Variants in COG4 observed in about 807,000 individuals in gnomAD.
COG4 encodes component of oligomeric golgi complex 4.
In COG4, 65 loss-of-function variants were observed where a neutral mutation model predicts 95.1. That is an observed-to-expected ratio of 0.68 (90% CI 0.56 to 0.84). The LOEUF is 0.84. Among genes scored for constraint, COG4 ranks in the 40% least tolerant of loss-of-function variants. The pLI, the probability that COG4 is intolerant of heterozygous loss-of-function variation, is 0.00. For synonymous variants in COG4, 421 were observed against 374.8 expected (o/e 1.12, Z -1.42); for missense variants, 1,045 against 989.1 (o/e 1.06, Z -0.76).
Position 70,482,185 on chromosome 16 carries a change from G to A in COG4, c.1921-10C>T. 6.3e-7 allele frequency: 1 copy of A among 1,594,352 alleles called. No individual in the cohort carries two copies. The highest frequency in any genetic ancestry group is 8.6e-7 in the Non-Finnish European group (1 of 1,162,028). Reference sequence around the variant, plus strand: ...AGTCATTGAATTCTTCCTGTTGTCAGGAAGCAGGGCTGGTCACCATGGGCC... The same window carrying A: ...AGTCATTGAATTCTTCCTGTTGTCAAGAAGCAGGGCTGGTCACCATGGGCC... On this transcript the variant is annotated splice_polypyrimidine_tract_variant and intron_variant, in intron 15 of 18. Coordinates refer to ENST00000323786, the MANE Select transcript of COG4 (RefSeq NM_015386.3).
At chr16:70,510,072 C>G (rs1183854788) in intron 5 of COG4, 51 bp from the exon 6 acceptor site, 1 of 1,453,920 alleles carries the variant, frequency 6.9e-7, no homozygotes, top group South Asian at 1.1e-5. Context: ...CACCCTCATA[C>G]CAGGTATATC....
chr16:70,489,570 T>C (rs1457852673), intron 13 of COG4, among the ~76,000 whole-genome samples: 1 of 148,168 alleles, frequency 6.7e-6, no homozygotes, highest in African/African-American at 2.5e-5. Flanking sequence ...AGAGATGAGG[T>C]CTCACCACAT....
At chr16:70,511,766 C>G (rs948255461) in intron 5 of COG4, among the ~76,000 whole-genome samples, 2 of 151,876 alleles carry the variant, frequency 1.3e-5, no homozygotes, top group African/African-American at 4.8e-5. Context: ...AACCCAGTCT[C>G]TACTAAAAAT....
chr16:70,497,183 C>A (rs192459602), intron 11 of COG4, 38 bp downstream of exon 11: 10 of 1,603,154 alleles, frequency 6.2e-6, no homozygotes, highest in Admixed American at 1.7e-5. Flanking sequence ...ACAGGAAGGG[C>A]CTTTCTGCCT....
At chr16:70,504,526 G>A (rs2049519005) in intron 8 of COG4, among the ~76,000 whole-genome samples, 1 of 151,502 alleles carries the variant, frequency 6.6e-6, no homozygotes, top group African/African-American at 2.4e-5. Context: ...AGAACTGCTT[G>A]ATCCTGGGAG....
At chr16:70,512,930 A>T (rs1050695578) in intron 4 of COG4, among the ~76,000 whole-genome samples, 2 of 152,196 alleles carry the variant, frequency 1.3e-5, no homozygotes, top group African/African-American at 4.8e-5. Context: ...GTGAGCCAAG[A>T]TCATGCCACT....
chr16:70,509,740 C>T (rs1284733141), intron 6 of COG4, 176 bp downstream of exon 6: 2 of 654,184 alleles, frequency 3.1e-6, no homozygotes, highest in East Asian at 5.5e-5. Flanking sequence ...TGGAGAGACT[C>T]TAATCTTTGC....
chr16:70,500,924 C>A (rs752030815), intron 9 of COG4, 34 bp downstream of exon 9: 1 of 1,613,608 alleles, frequency 6.2e-7, no homozygotes, highest in South Asian at 1.1e-5. Context: ...AATTATACCT[C>A]AACCCTCCCC....
chr16:70,504,634 C>T (rs532851693), intron 8 of COG4, among the ~76,000 whole-genome samples: 1 of 127,796 alleles, frequency 7.8e-6, no homozygotes, highest in South Asian at 2.3e-4. Context: ...AAAAAGAGGC[C>T]GGGCATGGTG....
chr16:70,496,348 T>A lies in COG4; in HGVS notation c.1565A>T (p.Asn522Ile). Residue 522 changes from asparagine (N) to isoleucine (I), a missense_variant, in exon 12 of 19, where the codon AAC becomes ATC. Physicochemically the swap from Asn to Ile is moderately radical, Grantham distance 149. Transcript: ENST00000323786. Reference sequence around the variant, plus strand: ...TTGCTGGAGGCTGCTGTGCATGATGTTCACGGCACTTGTCACCCCGCGCTG... The same window carrying A: ...TTGCTGGAGGCTGCTGTGCATGATGATCACGGCACTTGTCACCCCGCGCTG... ...DIQRGVTSAV[N>I]IMHSSLQQGK... The A allele has an allele frequency of 1.2e-6, 2 of 1,614,166 alleles. No individual in the cohort carries two copies. Among genetic ancestry groups the A allele is most frequent in the Non-Finnish European group, 1.7e-6 (2 of 1,180,032 alleles).
Position 70,517,646 on chromosome 16 carries a change from G to A in COG4, c.349C>T (p.Arg117Cys), listed in dbSNP as rs149620212. The change falls in exon 3 of 19, where the codon CGT becomes TGT. Residue 117 changes from arginine to cysteine, a missense_variant. Transcript: ENST00000323786. Reference protein sequence around the residue: ...NLAENVSSKVRQLDLAKNRLY... With the variant: ...NLAENVSSKVCQLDLAKNRLY... ...ATTACCTTGGCCAGGTCAAGCTGAC[G>A]AACTTTGCTGGACACATTCTCAGCC... 7.2e-5 allele frequency: 111 copies of A among 1,548,666 alleles called. No individual in the cohort carries two copies. Among genetic ancestry groups the A allele is most frequent in the East Asian group, 1.9e-4 (8 of 43,042 alleles).
intron 13 of COG4, among the ~76,000 whole-genome samples, chr16:70,484,391 G>A (rs1194038802): frequency 6.6e-6 from 1 of 152,182 alleles, no homozygotes; most frequent in African/African-American, 2.4e-5. Flanking sequence ...GCCTGGCACA[G>A]GAGACACTAG....
At chr16:70,484,897 C>G (rs139348412) in intron 13 of COG4, among the ~76,000 whole-genome samples, 7 of 152,120 alleles carry the variant, frequency 4.6e-5, no homozygotes, top group Admixed American at 1.3e-4. Flanking sequence ...AACAAAGTAC[C>G]TATTCTACTT....
chr16:70,505,349 C>G (rs905052214), intron 8 of COG4, among the ~76,000 whole-genome samples: 2 of 150,794 alleles, frequency 1.3e-5, no homozygotes, highest in Non-Finnish European at 3.0e-5. Context: ...AGGCACCCGC[C>G]AACACACCCA....
At position 70,480,849 on chromosome 16, in the gene COG4, G is replaced by T; in HGVS notation, c.*161C>A. On this transcript the variant is annotated 3_prime_UTR_variant, in exon 19 of 19. Transcript: ENST00000323786. ...TCACCTGGCCAGGTCTGAGGGCAGA[G>T]CATGGAGTGGGTCCAGACTTTGTTT... 1.2e-6 allele frequency: 1 copy of T among 800,084 alleles called. No individual in the cohort carries two copies. Among genetic ancestry groups the T allele is most frequent in the Non-Finnish European group, 2.1e-6 (1 of 486,710 alleles). The allele number at this position is 800,084 out of a possible 1,614,324, so 49.6% of individuals were successfully genotyped here.
At position 70,481,243 on chromosome 16, in the gene COG4, G is replaced by T; in HGVS notation, c.2236-99C>A. The stretch of plus-strand genomic sequence containing the variant: ...GCAGAGCAGGGGCACCCGGGAAGGG[G>T]AAGGTGTCCTATAGAGCTGGCTGCT... On this transcript the variant is annotated intron_variant, in intron 18 of 18. Coordinates refer to ENST00000323786, the MANE Select transcript of COG4 (RefSeq NM_015386.3). 4 of 1,607,098 alleles carry T rather than the reference G, an allele frequency of 2.5e-6. No homozygotes were observed. The South Asian group carries it at 4.4e-5, about 18-fold the overall frequency.
At chr16:70,515,567 C>T (rs901035164) in intron 3 of COG4, among the ~76,000 whole-genome samples, 3 of 152,034 alleles carry the variant, frequency 2.0e-5, no homozygotes. Flanking sequence ...GCCTGTAATC[C>T]CAGCTACTCG....
chr16:70,481,933 G>A (rs1355651554), intron 16 of COG4, 68 bp from the exon 17 acceptor site: 33 of 1,479,788 alleles, frequency 2.2e-5, no homozygotes, highest in East Asian at 4.6e-5. Flanking sequence ...GGAGTCTTAG[G>A]TGGTGAGGAT....
At chr16:70,487,512 A>C (rs2049163282) in intron 13 of COG4, among the ~76,000 whole-genome samples, 1 of 151,696 alleles carries the variant, frequency 6.6e-6, no homozygotes, top group African/African-American at 2.4e-5. Context: ...CAGGAGAATC[A>C]CAGAAGTTGC....
Sources: gnomAD v4.1 joint callset for allele counts (sites outside exome capture counted in the v4.1 genomes callset) on GRCh38, gnomAD v4.1.1 for gene constraint, MANE v1.5 for transcripts, NCBI Gene and HGNC (gene_info 2026-07-23, HGNC 2026-07-21) for gene names.